Variants in LRRC4C observed in about 807,000 individuals in gnomAD.
LRRC4C encodes the protein leucine-rich repeat-containing protein 4C.
LRRC4C carries 5 observed loss-of-function variants against 33.6 expected under a neutral mutation model. The ratio of observed to expected loss-of-function variants is 0.15; its 90% CI spans 0.08 to 0.31. LRRC4C has a LOEUF of 0.31. Among genes scored for constraint, LRRC4C ranks in the 10% least tolerant of loss-of-function variants. LRRC4C has a pLI of 1.00. For synonymous variants in LRRC4C, 329 were observed against 302.0 expected (o/e 1.09, Z -0.93); for missense variants, 560 against 796.7 (o/e 0.70, Z 3.58).
chr11:40,563,875 C>G (rs1957651041), intron 3 of LRRC4C, among the ~76,000 whole-genome samples: 1 of 152,174 alleles, frequency 6.6e-6, no homozygotes, highest in Non-Finnish European at 1.5e-5. Flanking sequence ...CTACAGAGCC[C>G]TCTGTCTCCT....
At chr11:41,204,404 T>G (rs980952) in intron 1 of LRRC4C, among the ~76,000 whole-genome samples, 143,281 of 152,234 alleles carry the variant, frequency 0.94, 67,665 homozygotes, top group East Asian at 1. Flanking sequence ...GAAGCAACTT[T>G]CTGCTAAAAT....
At chr11:41,307,554 G>A (rs1294560569) in intron 1 of LRRC4C, among the ~76,000 whole-genome samples, 1 of 152,196 alleles carries the variant, frequency 6.6e-6, no homozygotes, top group African/African-American at 2.4e-5. Flanking sequence ...CATGTGGGCT[G>A]AGCAAACAGA....
intron 3 of LRRC4C, among the ~76,000 whole-genome samples, chr11:40,598,679 C>T (rs1351944689): frequency 6.6e-6 from 1 of 152,046 alleles, no homozygotes; most frequent in African/African-American, 2.4e-5. Flanking sequence ...TAATATGTAC[C>T]AGAATTAAGG....
intron 3 of LRRC4C, among the ~76,000 whole-genome samples, chr11:40,601,052 G>A (rs985771405): frequency 6.6e-6 from 1 of 152,126 alleles, no homozygotes; most frequent in African/African-American, 2.4e-5. Context: ...GTCCTACTGT[G>A]AAACATGCAA....
chr11:40,781,012 G>A (rs2137273788), intron 2 of LRRC4C, among the ~76,000 whole-genome samples: 1 of 152,196 alleles, frequency 6.6e-6, no homozygotes, highest in South Asian at 2.1e-4. Context: ...AGGCAATTTT[G>A]TCATCGTGCA....
In LRRC4C at chr11:40,568,682, G is replaced by T. The variant is rs150976662; in HGVS notation, c.-270+79460C>A. ...CCCACTATGTAGCACACAGCCAGGA[G>T]AAATTAATAGTAGCCCTATCCTGGA... On this transcript the variant is annotated intron_variant, in intron 3 of 6. Coordinates refer to ENST00000528697, the MANE Select transcript of LRRC4C (RefSeq NM_001258419.2). 7.3e-3 allele frequency among the ~76,000 whole-genome samples: 1,118 copies of T among 152,236 alleles called. 10 individuals are homozygous for T. Among genetic ancestry groups the T allele is most frequent in the Non-Finnish European group, 0.013 (868 of 68,030 alleles).
At chr11:40,338,802 T>C (rs1342136229) in intron 3 of LRRC4C, among the ~76,000 whole-genome samples, 5 of 152,096 alleles carry the variant, frequency 3.3e-5, no homozygotes, top group Admixed American at 6.5e-5. Context: ...AAAATAAAAT[T>C]TGGGGGAGTC....
At chr11:40,155,450 A>G (rs2135285025) in intron 5 of LRRC4C, among the ~76,000 whole-genome samples, 1 of 152,282 alleles carries the variant, frequency 6.6e-6, no homozygotes, top group East Asian at 1.9e-4. Flanking sequence ...AAATTGATAG[A>G]CCATTATCAA....
intron 2 of LRRC4C, among the ~76,000 whole-genome samples, chr11:40,833,944 G>A (rs1165813615): frequency 6.6e-6 from 1 of 152,018 alleles, no homozygotes; most frequent in Non-Finnish European, 1.5e-5. Context: ...TCATATAAAA[G>A]AGCTGATCTA....
intron 3 of LRRC4C, among the ~76,000 whole-genome samples, chr11:40,405,246 A>G (rs1949917300): frequency 6.6e-6 from 1 of 151,434 alleles, no homozygotes; most frequent in Admixed American, 6.6e-5. Context: ...GTTCACTCAT[A>G]TTGTTACAAA....
Position 41,062,124 on chromosome 11 carries a change from A to T in LRRC4C, c.-495-128401T>A, listed in dbSNP as rs150720717. On this transcript the variant is annotated intron_variant, in intron 1 of 6. Coordinates refer to ENST00000528697, the MANE Select transcript of LRRC4C (RefSeq NM_001258419.2). ...AAAAACTTATTATAATTTCAGCATT[A>T]CAAGTGTGAGTTTGTTACATAGGTA... is the stretch of plus-strand genomic sequence containing the variant. Among the ~76,000 whole-genome samples the T allele has an allele frequency of 2.3e-3, 358 of 152,360 alleles. 3 individuals are homozygous for T. Among genetic ancestry groups the T allele is most frequent in the African/African-American group, 8.2e-3 (340 of 41,578 alleles).
intron 1 of LRRC4C, among the ~76,000 whole-genome samples, chr11:41,038,277 ACACACATCTAAAAAC>A (rs1482307860): frequency 6.6e-6 from 1 of 152,200 alleles, no homozygotes; most frequent in Non-Finnish European, 1.5e-5. Flanking sequence ...AGAGAAATAC[ACACACATCTAAAAAC>A]CAGCTTTAAT....
chr11:41,061,621 T>G lies in LRRC4C; in HGVS notation c.-495-127898A>C, dbSNP rs996464777. The stretch of plus-strand genomic sequence containing the variant: ...TTCTTAAATCTTTCTAAATCAAGTA[T>G]CTAGTTCCCAGAATTCCTGATGATA... On this transcript the variant is annotated intron_variant, in intron 1 of 6. Transcript: ENST00000528697. Among the ~76,000 whole-genome samples, 6 of 152,288 alleles carry G rather than the reference T, an allele frequency of 3.9e-5. No individual in the cohort carries two copies. The East Asian group carries it at 1.2e-3, about 29-fold the overall frequency.
intron 1 of LRRC4C, among the ~76,000 whole-genome samples, chr11:41,279,437 A>G (rs1465584467): frequency 8.0e-6 from 1 of 125,004 alleles, no homozygotes; most frequent in South Asian, 2.5e-4. Flanking sequence ...CACCGTGGCA[A>G]TCACTGCCTG....
intron 3 of LRRC4C, among the ~76,000 whole-genome samples, chr11:40,436,743 T>A (rs1174641333): frequency 6.6e-6 from 1 of 152,080 alleles, no homozygotes; most frequent in African/African-American, 2.4e-5. Flanking sequence ...CTGGAGAGAA[T>A]GGCAGCAGGG....
intron 1 of LRRC4C, among the ~76,000 whole-genome samples, chr11:41,301,564 G>A (rs1207213793): frequency 1.3e-5 from 2 of 152,156 alleles, no homozygotes; most frequent in African/African-American, 4.8e-5. Flanking sequence ...TGCAAGCACA[G>A]TGACTCAGAA....
chr11:40,188,732 A>G (rs1330094099), intron 5 of LRRC4C, among the ~76,000 whole-genome samples: 1 of 152,178 alleles, frequency 6.6e-6, no homozygotes, highest in Admixed American at 6.5e-5. Flanking sequence ...ACATGCACAC[A>G]CACATACATC....
At chr11:41,048,439 A>G (rs1249266178) in intron 1 of LRRC4C, among the ~76,000 whole-genome samples, 3 of 151,610 alleles carry the variant, frequency 2.0e-5, no homozygotes, top group Non-Finnish European at 4.4e-5. Context: ...TAGTTTTTGT[A>G]TTTTTAGTAG....
intron 1 of LRRC4C, among the ~76,000 whole-genome samples, chr11:41,437,411 A>ACGCG (rs781578463): frequency 6.8e-6 from 1 of 147,838 alleles, no homozygotes; most frequent in Non-Finnish European, 1.5e-5. Flanking sequence ...ACACACACAA[A>ACGCG]CGCGCGCGCG....
Sources: allele counts gnomAD v4.1 joint callset (sites outside exome capture counted in the v4.1 genomes callset), GRCh38; gene constraint gnomAD v4.1.1; transcripts MANE v1.5; gene names NCBI Gene and HGNC (gene_info 2026-07-23, HGNC 2026-07-21).